Variants in ZNF610 observed in about 807,000 individuals in gnomAD.
ZNF610 encodes the protein zinc finger protein 610.
Under a neutral mutation model 14.1 loss-of-function variants are expected in ZNF610, and 14 were observed. That is an observed-to-expected ratio of 0.99 (90% CI 0.65 to 1.55). The LOEUF is 1.55. ZNF610 is among the 40% of genes most tolerant of loss of function. The probability of loss-of-function intolerance (pLI) is 0.00; values close to 1 mark genes in which losing one functional copy is unlikely to be tolerated. For synonymous variants in ZNF610, 185 were observed against 187.6 expected, an observed-to-expected ratio of 0.99 and a Z score of 0.11; for missense variants, 530 against 558.0, an observed-to-expected ratio of 0.95 and a Z score of 0.51.
intron 1 of ZNF610, among the ~76,000 whole-genome samples, chr19:52,342,586 C>A (rs938991654): frequency 2.7e-5 from 4 of 149,258 alleles, no homozygotes; most frequent in African/African-American, 9.9e-5. Context: ...GTGGCGCAAT[C>A]TCGGCTCATT....
chr19:52,335,451 T>G (rs1984331814), upstream of ZNF610, among the ~76,000 whole-genome samples: 1 of 152,128 alleles, frequency 6.6e-6, no homozygotes, highest in South Asian at 2.1e-4. Context: ...TAAATACGGA[T>G]TCCCAGGTTG....
At chr19:52,333,696 T>C (rs991014837), upstream of ZNF610, among the ~76,000 whole-genome samples, 1 of 152,212 alleles carries the variant, frequency 6.6e-6, no homozygotes, top group Non-Finnish European at 1.5e-5. Context: ...AAGCTAGGCA[T>C]GTAAAACCAC....
intron 2 of ZNF610, 186 bp downstream of exon 2, chr19:52,348,130 T>A (rs546841416): frequency 3.3e-5 from 5 of 152,310 alleles, no homozygotes; most frequent in African/African-American, 1.2e-4. Context: ...ACCCTAGGTG[T>A]GTAGTAGACT....
rs778457053 is a variant in ZNF610, at chr19:52,366,101, C to T, written c.723C>T (p.Phe241=). 6.8e-6 allele frequency: 11 copies of T among 1,613,564 alleles called. No individual in the cohort carries two copies. The South Asian group carries it at 9.9e-5, about 15-fold the overall frequency. ...PYKCTECGKV[F]SRNSHLVEHW... ...AATGTACTGAATGTGGCAAGGTCTT[C>T]AGTCGCAATTCACACCTTGTAGAAC... Residue 241 remains phenylalanine, a synonymous_variant, in exon 6 of 6, where the codon TTC becomes TTT. Coordinates refer to ENST00000403906, the MANE Select transcript of ZNF610 (RefSeq NM_001161425.2).
At chr19:52,332,546 A>C (rs919194478), upstream of ZNF610, among the ~76,000 whole-genome samples, 6 of 152,206 alleles carry the variant, frequency 3.9e-5, no homozygotes, top group Non-Finnish European at 2.9e-5. The surrounding 1 kb of genome is among the most constrained non-coding windows in gnomAD (Gnocchi z 4.1). Context: ...GAAAATAAAA[A>C]ACAGGAGAAG....
At chr19:52,334,936 AACACAC>A (rs559202600), upstream of ZNF610, among the ~76,000 whole-genome samples, 3 of 41,536 alleles carry the variant, frequency 7.2e-5, no homozygotes, top group Non-Finnish European at 1.5e-4. Context: ...CTCAAAAACA[AACACAC>A]ACACACACAC....
At chr19:52,349,791 G>A (rs1181843371) in intron 3 of ZNF610, among the ~76,000 whole-genome samples, 3 of 151,972 alleles carry the variant, frequency 2.0e-5, no homozygotes, top group South Asian at 4.2e-4. Context: ...GGCTGGTCTC[G>A]AACCCCTGAC....
At chr19:52,341,033 A>G (rs1311653506) in intron 1 of ZNF610, among the ~76,000 whole-genome samples, 1 of 152,118 alleles carries the variant, frequency 6.6e-6, no homozygotes, top group African/African-American at 2.4e-5. Context: ...CCACTGAAAC[A>G]CACACACTCA....
At chr19:52,345,835 G>C (rs1248238487) in intron 1 of ZNF610, among the ~76,000 whole-genome samples, 1 of 151,890 alleles carries the variant, frequency 6.6e-6, no homozygotes, top group Non-Finnish European at 1.5e-5. Context: ...CTCCCGAGTA[G>C]CTGGGACTAC....
At chr19:52,360,725 G>A (rs1013479836) in intron 5 of ZNF610, among the ~76,000 whole-genome samples, 12 of 152,184 alleles carry the variant, frequency 7.9e-5, no homozygotes, top group Admixed American at 3.9e-4. Flanking sequence ...ATGTTCCTAA[G>A]TTGCAACATC....
chr19:52,334,936 A>AACACACACACACACACACTC (rs1984301264), upstream of ZNF610, among the ~76,000 whole-genome samples: 1 of 41,536 alleles, frequency 2.4e-5, no homozygotes, highest in Non-Finnish European at 5.0e-5. Flanking sequence ...CTCAAAAACA[A>AACACACACACACACACACTC]ACACACACAC....
chr19:52,333,356 A>G (rs117606240), upstream of ZNF610, among the ~76,000 whole-genome samples: 2,337 of 152,318 alleles, frequency 0.015, 34 homozygotes, highest in Middle Eastern at 0.027. Flanking sequence ...GGCTGGCAAC[A>G]TCCCCCTGGC....
chr19:52,353,908 T>C, intron 4 of ZNF610, 100 bp downstream of exon 4: 1 of 1,430,950 alleles, frequency 7.0e-7, no homozygotes, highest in South Asian at 1.4e-5. Flanking sequence ...TTAACTGAGG[T>C]AGAAACCTTG....
chr19:52,351,311 C>G (rs60323875), intron 3 of ZNF610, among the ~76,000 whole-genome samples: 1 of 151,938 alleles, frequency 6.6e-6, no homozygotes, highest in East Asian at 2.0e-4. Context: ...ACAAAATTAG[C>G]CTGGTGTGGT....
intron 5 of ZNF610, among the ~76,000 whole-genome samples, chr19:52,360,061 A>G (rs573335851): frequency 6.6e-6 from 1 of 152,230 alleles, no homozygotes; most frequent in African/African-American, 2.4e-5. Context: ...AGGAAGCTCC[A>G]TGTGTTCAGC....
intron 1 of ZNF610, 88 bp downstream of exon 1, chr19:52,336,594 A>G (rs1471679569): frequency 6.5e-6 from 1 of 154,952 alleles, no homozygotes. Context: ...TCCTTACCGC[A>G]AGGTGGATTC....
upstream of ZNF610, among the ~76,000 whole-genome samples, chr19:52,333,571 T>C (rs780188568): frequency 6.6e-6 from 1 of 152,236 alleles, no homozygotes; most frequent in Non-Finnish European, 1.5e-5. Context: ...ATGGTCACTG[T>C]TGTTACCTCT....
chr19:52,345,313 C>A (rs1984885383), intron 1 of ZNF610: 1 of 152,200 alleles, frequency 6.6e-6, no homozygotes, highest in Admixed American at 6.6e-5. Context: ...TACACTGTTA[C>A]ACTGGAGATG....
rs1249814272 is a variant in ZNF610 at position 52,366,781 on chromosome 19, TTTAG to T, written c.*19_*22del. ...CAGATGGAATGAATGTGGCAAAATC[TTTAG>T]TTAGAATTCACACCTAGCACAACAT... is the stretch of plus-strand genomic sequence containing the variant. On this transcript the variant is annotated 3_prime_UTR_variant, in exon 6 of 6. Coordinates refer to ENST00000403906, the MANE Select transcript of ZNF610 (RefSeq NM_001161425.2). The T allele has an allele frequency of 3.4e-5, 54 of 1,591,160 alleles. No individual in the cohort carries two copies. Among genetic ancestry groups the T allele is most frequent in the Non-Finnish European group, 4.4e-5 (51 of 1,164,448 alleles).
Sources: allele counts gnomAD v4.1 joint callset (sites outside exome capture counted in the v4.1 genomes callset), GRCh38; gene constraint gnomAD v4.1.1; non-coding constraint Gnocchi (gnomAD v3.1); transcripts MANE v1.5; gene names NCBI Gene and HGNC (gene_info 2026-07-23, HGNC 2026-07-21).